The following TMEM74 variants were observed in gnomAD, a reference collection of about 807,000 sequenced individuals.
TMEM74 encodes transmembrane protein 74.
In TMEM74, 13 loss-of-function variants were observed where a neutral mutation model predicts 18.1. That is an observed-to-expected ratio of 0.72 (90% CI 0.47 to 1.14). TMEM74 has a LOEUF of 1.14. Among genes scored for constraint, TMEM74 ranks in the 50% most tolerant of loss-of-function variants. The pLI, the probability that TMEM74 is intolerant of heterozygous loss-of-function variation, is 0.00. For missense variants in TMEM74, 372 were observed against 375.9 expected (o/e 0.99, Z 0.09); for synonymous variants, 159 against 146.6 (o/e 1.08, Z -0.61).
intron 2 of TMEM74, among the ~76,000 whole-genome samples, chr8:108,634,937 T>C (rs983509009): frequency 1.3e-5 from 2 of 151,994 alleles, no homozygotes; most frequent in Non-Finnish European, 2.9e-5. Context: ...CACGCTGGCA[T>C]GGAGGGCTAT....
At chr8:108,756,650 GA>G (rs1813971431) in intron 1 of TMEM74, among the ~76,000 whole-genome samples, 5 of 27,102 alleles carry the variant, frequency 1.8e-4, no homozygotes, top group African/African-American at 6.1e-4. Context: ...AAGAAAGAAA[GA>G]GAAAGAAAGA....
At chr8:108,759,972 A>G (rs1267349133) in intron 1 of TMEM74, among the ~76,000 whole-genome samples, 1 of 152,100 alleles carries the variant, frequency 6.6e-6, no homozygotes, top group Non-Finnish European at 1.5e-5. Context: ...CAGGAGTTGA[A>G]GACCAGCCTG....
At chr8:108,629,347 C>G (rs772128695) in intron 2 of TMEM74, among the ~76,000 whole-genome samples, 1 of 151,890 alleles carries the variant, frequency 6.6e-6, no homozygotes, top group Non-Finnish European at 1.5e-5. Context: ...AAAGACCAAG[C>G]CTATGATTGA....
At position 108,784,153 on chromosome 8, in the gene TMEM74, C is replaced by T; in HGVS notation, c.*28G>A. On this transcript the variant is annotated 3_prime_UTR_variant, in exon 2 of 2. Coordinates refer to ENST00000297459, the MANE Select transcript of TMEM74 (RefSeq NM_153015.3). The stretch of plus-strand genomic sequence containing the variant: ...TTTTTCATATTATAAAATGCCAAGG[C>T]AGACTCTCAAGATATTCACAACCAG... 2.0e-6 allele frequency: 3 copies of T among 1,500,330 alleles called. No homozygotes were observed. The highest frequency in any genetic ancestry group is 2.7e-6 in the Non-Finnish European group (3 of 1,115,194). The allele number at this position is 1,500,330 out of a possible 1,614,324, so 92.9% of individuals were successfully genotyped here. A position where few individuals can be genotyped will look rare whatever the true frequency, so the allele number is the denominator to read the frequency against.
chr8:108,744,918 A>G (rs2130648631), intron 1 of TMEM74, among the ~76,000 whole-genome samples: 1 of 152,250 alleles, frequency 6.6e-6, no homozygotes, highest in Non-Finnish European at 1.5e-5. Context: ...CATTGGAAAA[A>G]GGGTGTTGCA....
At chr8:108,699,851 T>C (rs1266227148) in intron 1 of TMEM74, among the ~76,000 whole-genome samples, 1 of 152,200 alleles carries the variant, frequency 6.6e-6, no homozygotes, top group Non-Finnish European at 1.5e-5. Context: ...ATATAGCTTA[T>C]TAATTGAGCT....
chr8:108,651,683 G>A (rs1204686510), intron 2 of TMEM74, among the ~76,000 whole-genome samples: 1 of 152,032 alleles, frequency 6.6e-6, no homozygotes, highest in Non-Finnish European at 1.5e-5. Flanking sequence ...GTGTGGTTGG[G>A]GCACTGTCAG....
intron 1 of TMEM74, among the ~76,000 whole-genome samples, chr8:108,742,908 G>T (rs566675396): frequency 6.6e-6 from 1 of 152,294 alleles, no homozygotes; most frequent in Admixed American, 6.5e-5. Context: ...TATTATTAAT[G>T]ACCGAGTGTA....
At chr8:108,629,064 A>T (rs1433901476) in intron 2 of TMEM74, among the ~76,000 whole-genome samples, 48 of 151,866 alleles carry the variant, frequency 3.2e-4, no homozygotes, top group Non-Finnish European at 1.2e-4. Context: ...GATTGCAAAA[A>T]TTTTTTCCCA....
intron 2 of TMEM74, among the ~76,000 whole-genome samples, chr8:108,614,655 T>A (rs1050639350): frequency 6.6e-6 from 1 of 152,176 alleles, no homozygotes; most frequent in Non-Finnish European, 1.5e-5. Context: ...GTTGTGTAGC[T>A]GTGGGGGGTT....
At chr8:108,687,509 G>T (rs376824582) in intron 1 of TMEM74, among the ~76,000 whole-genome samples, 1 of 151,980 alleles carries the variant, frequency 6.6e-6, no homozygotes, top group African/African-American at 2.4e-5. Flanking sequence ...AGCACATTAC[G>T]CTCGTTGTTC....
intron 1 of TMEM74, among the ~76,000 whole-genome samples, chr8:108,765,347 A>G (rs1260540470): frequency 6.7e-6 from 1 of 149,002 alleles, no homozygotes; most frequent in African/African-American, 2.5e-5. Flanking sequence ...AGGGATGGTG[A>G]TGAGCTTGGG....
chr8:108,711,004 G>C (rs977417943), intron 1 of TMEM74, among the ~76,000 whole-genome samples: 2 of 152,034 alleles, frequency 1.3e-5, no homozygotes, highest in African/African-American at 4.8e-5. Flanking sequence ...ATCCTACCTT[G>C]GCCTATCCTT....
At chr8:108,717,899 A>G (rs1229223721) in intron 1 of TMEM74, among the ~76,000 whole-genome samples, 2 of 143,924 alleles carry the variant, frequency 1.4e-5, no homozygotes, top group Non-Finnish European at 3.1e-5. Context: ...TCTCAGTGAG[A>G]TGGGGAACCA....
At chr8:108,717,633 G>A (rs1798941021) in intron 1 of TMEM74, among the ~76,000 whole-genome samples, 1 of 152,116 alleles carries the variant, frequency 6.6e-6, no homozygotes, top group African/African-American at 2.4e-5. Context: ...TAAACAGAAT[G>A]ATTAAGGTGG....
At chr8:108,762,326 T>C (rs1814054164) in intron 1 of TMEM74, among the ~76,000 whole-genome samples, 1 of 152,144 alleles carries the variant, frequency 6.6e-6, no homozygotes, top group Non-Finnish European at 1.5e-5. Flanking sequence ...CTGAATTATT[T>C]CATGCCTTCT....
Position 108,773,738 on chromosome 8 carries a change from A to C in TMEM74, n.119+13738T>G, listed in dbSNP as rs534373586. 2.0e-5 allele frequency among the ~76,000 whole-genome samples: 3 copies of C among 152,296 alleles called. No homozygotes were observed. The East Asian group carries it at 5.8e-4, about 29-fold the overall frequency. On this transcript the variant is annotated intron_variant and non_coding_transcript_variant, in intron 1 of 3. Transcript: ENST00000518838. The stretch of plus-strand genomic sequence containing the variant: ...GTCCAAGTAGTAAGGAATCAAATCA[A>C]GACCTCCTGCCAACAGCCAGCACAA...
Position 108,780,421 on chromosome 8 carries a change from G to C in TMEM74, c.*3760C>G, listed in dbSNP as rs946537467. On this transcript the variant is annotated 3_prime_UTR_variant, in exon 2 of 2. Coordinates refer to ENST00000297459, the MANE Select transcript of TMEM74 (RefSeq NM_153015.3). ...TGTCAGAAGGTGGTAAAAAAAAATA[G>C]AGCCATTGGGTTCAGGCTTTTAATT... is the stretch of plus-strand genomic sequence containing the variant. Among the ~76,000 whole-genome samples the C allele has an allele frequency of 1.3e-5, 2 of 152,056 alleles. No individual in the cohort carries two copies. The highest frequency in any genetic ancestry group is 2.1e-4 in the South Asian group (1 of 4,818).
chr8:108,655,112 C>T (rs2130574858), intron 2 of TMEM74, among the ~76,000 whole-genome samples: 1 of 152,140 alleles, frequency 6.6e-6, no homozygotes, highest in Non-Finnish European at 1.5e-5. Flanking sequence ...ATAAGTAAAT[C>T]TTTAGAAGTG....
Sources: gnomAD v4.1 joint callset for allele counts (sites outside exome capture counted in the v4.1 genomes callset) on GRCh38, gnomAD v4.1.1 for gene constraint, MANE v1.5 for transcripts, NCBI Gene and HGNC (gene_info 2026-07-23, HGNC 2026-07-21) for gene names.